The following NCAPG2 variants were observed in gnomAD, a reference collection of about 807,000 sequenced individuals.
NCAPG2 encodes the protein non-SMC condensin II complex subunit G2.
NCAPG2 carries 53 observed loss-of-function variants against 141.1 expected under a neutral mutation model. The ratio of observed to expected loss-of-function variants is 0.38; its 90% CI spans 0.30 to 0.47. NCAPG2 has a LOEUF of 0.47. Ranked by LOEUF, NCAPG2 falls within the 20% of genes least tolerant of loss-of-function variation. The pLI, the probability that NCAPG2 is intolerant of heterozygous loss-of-function variation, is 0.99. For missense variants in NCAPG2, 1,087 were observed against 1,389.0 expected (o/e 0.78, Z 3.46); for synonymous variants, 499 against 490.7 (o/e 1.02, Z -0.22).
chr7:158,694,158 G>A (rs1200518704), intron 2 of NCAPG2, among the ~76,000 whole-genome samples: 4 of 152,106 alleles, frequency 2.6e-5, no homozygotes, highest in Non-Finnish European at 5.9e-5. Flanking sequence ...GGGCTGCAGT[G>A]AGCTGTGATT....
At chr7:158,690,775 C>A in intron 4 of NCAPG2, 53 bp from the exon 5 acceptor site, 2 of 1,504,152 alleles carry the variant, frequency 1.3e-6, no homozygotes, top group Admixed American at 1.8e-5. Context: ...CTTATTACTT[C>A]AGAGTCAACA....
At chr7:158,637,011 G>A (rs1264224176) in intron 27 of NCAPG2, among the ~76,000 whole-genome samples, 1 of 150,938 alleles carries the variant, frequency 6.6e-6, no homozygotes, top group Admixed American at 6.6e-5. Flanking sequence ...GCAGTGGTGT[G>A]ATCTTGGCTC....
chr7:158,668,331 C>CCCTTCCCCACAACTGGGTCCCTCCGCCCG (rs1833409552), intron 13 of NCAPG2: 1 of 680,724 alleles, frequency 1.5e-6, no homozygotes, highest in African/African-American at 4.3e-5. Context: ...CCTCCGCCCT[C>CCCTTCCCCACAACTGGGTCCCTCCGCCCG]CCTTACCCAC....
intron 4 of NCAPG2, among the ~76,000 whole-genome samples, chr7:158,692,151 A>C (rs1435758610): frequency 1.3e-5 from 2 of 152,104 alleles, no homozygotes; most frequent in African/African-American, 4.8e-5. Context: ...CCAAAAAACA[A>C]AACAAAACAA....
At chr7:158,703,996 G>A (rs1459628266) in intron 1 of NCAPG2, among the ~76,000 whole-genome samples, 2 of 151,708 alleles carry the variant, frequency 1.3e-5, no homozygotes, top group African/African-American at 4.8e-5. Context: ...CCAGGACAGA[G>A]GGGGTCGCTC....
intron 10 of NCAPG2, 39 bp downstream of exon 10, chr7:158,680,682 G>C (rs538906732): frequency 1.5e-6 from 2 of 1,337,332 alleles, no homozygotes; most frequent in South Asian, 1.7e-5. Flanking sequence ...AGCACAAGTA[G>C]TACATTCCAA....
chr7:158,652,204 C>T, intron 23 of NCAPG2, 89 bp downstream of exon 23: 7 of 1,326,196 alleles, frequency 5.3e-6, no homozygotes, highest in African/African-American at 1.5e-5. Context: ...CGAGCGTGAA[C>T]AGCACAGCCA....
At chr7:158,698,606 A>G (rs1039982611) in intron 2 of NCAPG2, among the ~76,000 whole-genome samples, 6 of 152,152 alleles carry the variant, frequency 3.9e-5, no homozygotes, top group Non-Finnish European at 7.4e-5. Context: ...GGGTGTATGT[A>G]AGCACACTTT....
chr7:158,680,300 A>G (rs928325650), intron 10 of NCAPG2, among the ~76,000 whole-genome samples: 3 of 152,212 alleles, frequency 2.0e-5, no homozygotes, highest in Non-Finnish European at 2.9e-5. Flanking sequence ...AGCCCACTTC[A>G]TGTCACTAAG....
At chr7:158,640,366 T>A (rs1830561293) in intron 27 of NCAPG2, 1 of 152,114 alleles carries the variant, frequency 6.6e-6, no homozygotes. Context: ...TGAAGCCCTG[T>A]CTCCACTAAT....
rs1831557543 is a variant in NCAPG2, at chr7:158,652,417, A to G, written c.2810T>C (p.Leu937Ser). ...TTCATCTGAATCTGTTTTCTGAATC[A>G]AGGAACTTCCAGTTATCTCTTTCAG... ...DILKEITGSS[L>S]IQKTDSDEEV... is the part of the protein sequence containing the mutation. The change falls in exon 23 of 28, where the codon TTG (leucine) becomes TCG (serine). Residue 937 changes from leucine to serine, a missense_variant. By Grantham distance (145) the Leu-to-Ser change is moderately radical (BLOSUM62 -2). Coordinates refer to ENST00000356309, the MANE Select transcript of NCAPG2 (RefSeq NM_017760.7). The G allele has an allele frequency of 6.2e-7, 1 of 1,613,522 alleles. No homozygotes were observed. The highest frequency in any genetic ancestry group is 1.3e-5 in the African/African-American group (1 of 74,908).
At chr7:158,688,410 A>G (rs1010954355) in intron 6 of NCAPG2, among the ~76,000 whole-genome samples, 1 of 152,290 alleles carries the variant, frequency 6.6e-6, no homozygotes, top group Non-Finnish European at 1.5e-5. Flanking sequence ...TAAGTTAACA[A>G]GTACGATTCA....
chr7:158,700,158 AC>A (rs1423104862), intron 2 of NCAPG2, among the ~76,000 whole-genome samples: 5 of 152,240 alleles, frequency 3.3e-5, no homozygotes, highest in Admixed American at 1.3e-4. Context: ...GCACAATCCT[AC>A]ACATTTTCAT....
chr7:158,667,691 C>A (rs1166393695), intron 13 of NCAPG2, among the ~76,000 whole-genome samples: 1 of 34,264 alleles, frequency 2.9e-5, no homozygotes, highest in Non-Finnish European at 5.4e-5. Context: ...GTCCCTCCGC[C>A]CGCCTTACCC....
At chr7:158,684,270 C>T (rs532479123) in intron 8 of NCAPG2, among the ~76,000 whole-genome samples, 6 of 152,214 alleles carry the variant, frequency 3.9e-5, no homozygotes, top group Non-Finnish European at 7.3e-5. Flanking sequence ...ACCTTTAGAG[C>T]TAACTATCAG....
At chr7:158,656,215 C>T in intron 19 of NCAPG2, 45 bp downstream of exon 19, 1 of 1,591,456 alleles carries the variant, frequency 6.3e-7, no homozygotes, top group Non-Finnish European at 8.6e-7. Flanking sequence ...ATTTGTCACC[C>T]CCACAATCAT....
At chr7:158,656,861 C>T (rs972784040) in intron 17 of NCAPG2, among the ~76,000 whole-genome samples, 156 bp from the exon 18 acceptor site, 4 of 152,182 alleles carry the variant, frequency 2.6e-5, no homozygotes, top group Non-Finnish European at 4.4e-5. Context: ...GGAATAAATA[C>T]AGTTTCCCAC....
In NCAPG2 at chr7:158,655,374, G is replaced by C; in HGVS notation, c.2470C>G (p.Leu824Val). 2 of 1,614,206 alleles carry C rather than the reference G, an allele frequency of 1.2e-6. No individual in the cohort carries two copies. The highest frequency in any genetic ancestry group is 1.7e-6 in the Non-Finnish European group (2 of 1,180,048). ...AGATGGATGCTCAGGCGACAGTGGA[G>C]ACCAAAGGCTCGCGGGGCAGCTGCT... ...SEAAAPRAFG[L>V]HCRLSIHLQH... The change falls in exon 20 of 28, where the codon CTC becomes GTC. Residue 824 changes from leucine to valine, a missense_variant. Transcript: ENST00000356309.
rs138962971 is a variant in NCAPG2 at position 158,644,278 on chromosome 7, C to T, written c.3380+11G>A. ...TTAGATGATCACATCTGGTGAATAT[C>T]TCTCCTTTACCTTTCAATGCTATCC... is the stretch of plus-strand genomic sequence containing the variant. On this transcript the variant is annotated intron_variant, in intron 27 of 27. Coordinates refer to ENST00000356309, the MANE Select transcript of NCAPG2 (RefSeq NM_017760.7). The T allele has an allele frequency of 6.3e-7, 1 of 1,587,900 alleles. No individual in the cohort carries two copies. Among genetic ancestry groups the T allele is most frequent in the Non-Finnish European group, 8.6e-7 (1 of 1,156,308 alleles).
Sources: gnomAD v4.1 joint callset for allele counts (sites outside exome capture counted in the v4.1 genomes callset) on GRCh38, gnomAD v4.1.1 for gene constraint, MANE v1.5 for transcripts, NCBI Gene and HGNC (gene_info 2026-07-23, HGNC 2026-07-21) for gene names.